DIS3L2: variants seen among roughly 807,000 people sequenced by gnomAD.
DIS3L2 encodes DIS3-like exonuclease 2.
A neutral mutation model predicts 97.5 loss-of-function variants in DIS3L2; 34 were observed. The observed-to-expected ratio is 0.35, with a 90% confidence interval of 0.27 to 0.46. DIS3L2 has a LOEUF of 0.46. Among genes scored for constraint, DIS3L2 ranks in the 20% least tolerant of loss-of-function variants. The pLI, the probability that DIS3L2 is intolerant of heterozygous loss-of-function variation, is 1.00. For synonymous variants in DIS3L2, 435 were observed against 445.2 expected (o/e 0.98, Z 0.29); for missense variants, 1,038 against 1,146.0 (o/e 0.91, Z 1.36).
chr2:232,171,506 A>G (rs1690990426), intron 9 of DIS3L2, among the ~76,000 whole-genome samples: 1 of 152,192 alleles, frequency 6.6e-6, no homozygotes, highest in Non-Finnish European at 1.5e-5. Context: ...ACAAATAACT[A>G]TCAACTGTGC....
chr2:232,136,342 G>A (rs1357270310), intron 7 of DIS3L2, 130 bp from the exon 8 acceptor site: 2 of 1,115,830 alleles, frequency 1.8e-6, no homozygotes, highest in Non-Finnish European at 2.6e-6. Context: ...TCATCACTGA[G>A]AGGCACTTAT....
intron 9 of DIS3L2, among the ~76,000 whole-genome samples, chr2:232,169,446 CAG>C (rs1432873212): frequency 6.6e-6 from 1 of 152,110 alleles, no homozygotes; most frequent in African/African-American, 2.4e-5. Flanking sequence ...GATTCGTACT[CAG>C]ATAAATTACA....
chr2:232,320,826 G>A (rs1342740340), intron 14 of DIS3L2, among the ~76,000 whole-genome samples: 1 of 152,184 alleles, frequency 6.6e-6, no homozygotes, highest in Non-Finnish European at 1.5e-5. Flanking sequence ...GATGGGCACG[G>A]CTAGGTGTTC....
At chr2:232,224,849 A>G (rs955984739) in intron 10 of DIS3L2, among the ~76,000 whole-genome samples, 2 of 151,932 alleles carry the variant, frequency 1.3e-5, no homozygotes, top group Non-Finnish European at 2.9e-5. Flanking sequence ...AAAAAAAAAA[A>G]AAAAAGAAAA....
chr2:232,334,309 A>G (rs1695868146), intron 17 of DIS3L2, 60 bp from the exon 18 acceptor site: 1 of 1,568,538 alleles, frequency 6.4e-7, no homozygotes, highest in African/African-American at 1.4e-5. Flanking sequence ...CCCATCCCCC[A>G]GCCATAGCTC....
chr2:232,130,928 T>G (rs1698200302), intron 7 of DIS3L2: 1 of 651,528 alleles, frequency 1.5e-6, no homozygotes, highest in South Asian at 3.1e-5. Context: ...GGTCAAGGCC[T>G]TTTCTTTGAG....
chr2:232,050,955 G>A (rs1427317472), intron 5 of DIS3L2, among the ~76,000 whole-genome samples: 1 of 152,214 alleles, frequency 6.6e-6, no homozygotes, highest in Non-Finnish European at 1.5e-5. Flanking sequence ...TTGTAAGAGT[G>A]ACATTTCAAT....
intron 1 of DIS3L2, among the ~76,000 whole-genome samples, chr2:232,000,554 GTCCTCTAGGTTCA>G (rs1693849978): frequency 6.6e-6 from 1 of 151,074 alleles, no homozygotes; most frequent in Admixed American, 6.6e-5. Flanking sequence ...TTAGCCTAAT[GTCCTCTAGGTTCA>G]TCCATGTTGT....
chr2:232,242,762 A>G (rs568284604), intron 11 of DIS3L2, among the ~76,000 whole-genome samples: 5 of 152,320 alleles, frequency 3.3e-5, no homozygotes, highest in South Asian at 4.1e-4. Context: ...TCAGTGTCCT[A>G]TCATCACTAT....
At chr2:232,170,279 G>A (rs1690946028) in intron 9 of DIS3L2, among the ~76,000 whole-genome samples, 4 of 152,146 alleles carry the variant, frequency 2.6e-5, no homozygotes, top group African/African-American at 9.6e-5. Flanking sequence ...TTGCTAAACT[G>A]GAACAGGAAA....
At chr2:232,190,727 C>T (rs1441017680) in intron 9 of DIS3L2, among the ~76,000 whole-genome samples, 2 of 152,192 alleles carry the variant, frequency 1.3e-5, no homozygotes, top group East Asian at 3.9e-4. Flanking sequence ...GTAGTAGTTA[C>T]AGGCACCAAA....
chr2:232,082,573 G>A (rs893918729), intron 5 of DIS3L2, among the ~76,000 whole-genome samples: 8 of 152,152 alleles, frequency 5.3e-5, no homozygotes, highest in Non-Finnish European at 1.2e-4. Flanking sequence ...TCCCGTAACA[G>A]CCCCCTACTT....
chr2:232,004,914 C>G (rs1434508181), intron 1 of DIS3L2, among the ~76,000 whole-genome samples: 1 of 152,096 alleles, frequency 6.6e-6, no homozygotes, highest in Non-Finnish European at 1.5e-5. Flanking sequence ...GTTTTTATTT[C>G]TCTGTTGAGA....
Position 232,317,609 on chromosome 2 carries a change from G to T in DIS3L2, c.1740-12204G>T, listed in dbSNP as rs1276818076. ...CCTCCACCACGCCTGGCTAATTTTT[G>T]TATTTTTAGTAGAGATGGGGTTTCA... On this transcript the variant is annotated intron_variant, in intron 14 of 20. Coordinates refer to ENST00000325385, the MANE Select transcript of DIS3L2 (RefSeq NM_152383.5). 2.0e-5 allele frequency among the ~76,000 whole-genome samples: 3 copies of T among 151,942 alleles called. No homozygotes were observed. The East Asian group carries it at 5.8e-4, about 29-fold the overall frequency.
At chr2:232,028,130 C>T (rs1252369593) in intron 4 of DIS3L2, among the ~76,000 whole-genome samples, 1 of 152,140 alleles carries the variant, frequency 6.6e-6, no homozygotes, top group East Asian at 1.9e-4. Flanking sequence ...TTTGTGTTGT[C>T]CTCCTTCCCC....
At chr2:232,244,028 C>T (rs1693176551) in intron 11 of DIS3L2, among the ~76,000 whole-genome samples, 1 of 152,282 alleles carries the variant, frequency 6.6e-6, no homozygotes, top group Non-Finnish European at 1.5e-5. Context: ...TGCAGATTAT[C>T]ATTGAGTGGA....
chr2:232,248,151 A>C (rs908388232), intron 11 of DIS3L2, among the ~76,000 whole-genome samples: 6 of 152,236 alleles, frequency 3.9e-5, no homozygotes, highest in Non-Finnish European at 5.9e-5. Context: ...CTTCACGCAG[A>C]ATAAGAAGCC....
chr2:232,297,102 C>T (rs759826331), intron 13 of DIS3L2, among the ~76,000 whole-genome samples: 8 of 152,178 alleles, frequency 5.3e-5, no homozygotes, highest in Non-Finnish European at 7.3e-5. Context: ...CTGTCTCCAA[C>T]GCCACTGCAC....
intron 1 of DIS3L2, among the ~76,000 whole-genome samples, chr2:231,992,100 A>G (rs1693601996): frequency 6.6e-6 from 1 of 152,178 alleles, no homozygotes; most frequent in African/African-American, 2.4e-5. Context: ...TTCATTTCCC[A>G]CTGTGTATTC....
Sources: gnomAD v4.1 joint callset for allele counts (sites outside exome capture counted in the v4.1 genomes callset) on GRCh38, gnomAD v4.1.1 for gene constraint, MANE v1.5 for transcripts, NCBI Gene and HGNC (gene_info 2026-07-23, HGNC 2026-07-21) for gene names.